SCIN: variants seen among roughly 807,000 people sequenced by gnomAD.
The protein encoded by SCIN is scinderin.
SCIN carries 91 observed loss-of-function variants against 91.8 expected under a neutral mutation model. That is an observed-to-expected ratio of 0.99 (90% CI 0.84 to 1.18). The LOEUF (loss-of-function observed/expected upper bound fraction) is 1.18, where lower values mean the gene tolerates loss of function less well. Among genes scored for constraint, SCIN ranks in the 50% most tolerant of loss-of-function variants. The pLI, the probability that SCIN is intolerant of heterozygous loss-of-function variation, is 0.00. For missense variants in SCIN, 1,087 were observed against 863.9 expected, an observed-to-expected ratio of 1.26 and a Z score of -3.24; for synonymous variants, 367 against 312.6, an observed-to-expected ratio of 1.17 and a Z score of -1.84.
At position 12,604,526 on chromosome 7, in the gene SCIN, T is replaced by C; in HGVS notation, c.529T>C (p.Trp177Arg). 3 of 1,551,666 alleles carry C rather than the reference T, an allele frequency of 1.9e-6. No individual in the cohort carries two copies. The highest frequency in any genetic ancestry group is 2.6e-6 in the Non-Finnish European group (3 of 1,146,970). The change falls in exon 4 of 16, where the codon TGG becomes CGG. Residue 177 changes from tryptophan (W) to arginine (R), a missense_variant. Trp to Arg is a moderately radical substitution (Grantham distance 101, BLOSUM62 -3). Coordinates refer to ENST00000297029, the MANE Select transcript of SCIN (RefSeq NM_001112706.3). The part of the protein sequence containing the change: ...IIDLGTEIYQ[W>R]CGSSCNKYER... ...CTCTTTCTTTTAGGAAATTTATCAG[T>C]GGTGTGGTTCCTCGTGCAACAAATA...
At chr7:12,629,296 T>C (rs1253521994) in intron 9 of SCIN, 74 bp downstream of exon 9, 13 of 1,384,060 alleles carry the variant, frequency 9.4e-6, no homozygotes, top group Non-Finnish European at 1.2e-5. Context: ...ATTCTATGCA[T>C]TATGGGGTAG....
At position 12,622,841 on chromosome 7, in the gene SCIN, A is replaced by T; in HGVS notation, c.707A>T (p.Asp236Val). The T allele has an allele frequency of 6.2e-7, 1 of 1,613,324 alleles. No homozygotes were observed. Among genetic ancestry groups the T allele is most frequent in the South Asian group, 1.1e-5 (1 of 91,054 alleles). Residue 236 changes from aspartate (D) to valine (V), a missense_variant, in exon 5 of 16, where the codon GAT becomes GTT. Physicochemically the swap from Asp to Val is radical, Grantham distance 152. Coordinates refer to ENST00000297029, the MANE Select transcript of SCIN (RefSeq NM_001112706.3). The part of the protein sequence containing the change: ...EKPELPDGGD[D>V]DDIIADISNR... ...CCAGAGCTTCCAGATGGAGGTGATG[A>T]TGATGACATTATAGCAGACATAAGT... is the stretch of plus-strand genomic sequence containing the variant.
chr7:12,644,125 C>A lies in SCIN; in HGVS notation c.1582-13C>A. 6.2e-7 allele frequency: 1 copy of A among 1,603,500 alleles called. No homozygotes were observed. The highest frequency in any genetic ancestry group is 8.5e-7 in the Non-Finnish European group (1 of 1,173,584). On this transcript the variant is annotated splice_polypyrimidine_tract_variant and intron_variant, in intron 11 of 15. Transcript: ENST00000297029. Reference sequence around the variant, plus strand: ...GAATTTGAATCATTGTTTTATTTTTCTTCATATTCCAGGTTGATGTTGATG... The same window carrying A: ...GAATTTGAATCATTGTTTTATTTTTATTCATATTCCAGGTTGATGTTGATG...
intron 5 of SCIN, 56 bp downstream of exon 5, chr7:12,622,949 G>A (rs1783440610): frequency 2.3e-6 from 3 of 1,289,230 alleles, no homozygotes; most frequent in South Asian, 2.6e-5. Context: ...TAGCTAGGGA[G>A]GCCTGTATTG....
chr7:12,587,901 C>G (rs767384480), intron 3 of SCIN, among the ~76,000 whole-genome samples: 7 of 152,162 alleles, frequency 4.6e-5, no homozygotes, highest in Non-Finnish European at 1.0e-4. Flanking sequence ...ACACTCCAGC[C>G]CCTAAGACCC....
chr7:12,581,535 G>C (rs1293323652), intron 3 of SCIN, among the ~76,000 whole-genome samples: 3 of 151,982 alleles, frequency 2.0e-5, no homozygotes, highest in Non-Finnish European at 4.4e-5. Flanking sequence ...ATTGTGCATG[G>C]GAAAACATAG....
chr7:12,655,126 C>G lies in SCIN; in HGVS notation c.*2411C>G, dbSNP rs1382865600. 1 of 152,186 alleles carries G rather than the reference C, an allele frequency of 6.6e-6. No individual in the cohort carries two copies. Among genetic ancestry groups the G allele is most frequent in the Non-Finnish European group, 1.5e-5 (1 of 68,022 alleles). The allele number at this position is 152,186 out of a possible 1,614,324, so 9.4% of individuals were successfully genotyped here. A position where few individuals can be genotyped will look rare whatever the true frequency, so the allele number is the denominator to read the frequency against. On this transcript the variant is annotated 3_prime_UTR_variant, in exon 16 of 16. Coordinates refer to ENST00000297029, the MANE Select transcript of SCIN (RefSeq NM_001112706.3). The stretch of plus-strand genomic sequence containing the variant: ...AACCTATACCATTCTCCTGTATACT[C>G]TAAGTCATCTCTGCGTTACTTATAA...
Position 12,598,300 on chromosome 7 carries a change from G to GT in SCIN, c.517-6207dup, listed in dbSNP as rs146474966. On this transcript the variant is annotated intron_variant, in intron 3 of 15. Transcript: ENST00000297029. ...CAGAGTAAGGTGAATTAAGAACAGAGTTTTTTTCAAGCATGGTGCCAAATG... is the reference window on the plus strand; with the variant it reads ...CAGAGTAAGGTGAATTAAGAACAGAGTTTTTTTTCAAGCATGGTGCCAAATG... Among the ~76,000 whole-genome samples the GT allele has an allele frequency of 3.7e-4, 57 of 152,148 alleles. No individual in the cohort carries two copies. In the East Asian group the frequency reaches 7.0e-3, roughly 19 times the overall value.
intron 4 of SCIN, among the ~76,000 whole-genome samples, chr7:12,617,412 T>G (rs189707186): frequency 6.4e-4 from 97 of 152,178 alleles, no homozygotes; most frequent in African/African-American, 2.3e-3. Flanking sequence ...AATGGAAGAA[T>G]GCACAGAAAT....
rs754519390 is a variant in SCIN, at chr7:12,644,576, T to G, written c.1760-8T>G. 1 of 1,612,522 alleles carries G rather than the reference T, an allele frequency of 6.2e-7. No homozygotes were observed. The highest frequency in any genetic ancestry group is 2.2e-5 in the East Asian group (1 of 44,826). ...AATGCACTGGATAACTGAGTGTGTT[T>G]TCCACAGAGGAGTTCTGGAATTCCC... is the stretch of plus-strand genomic sequence containing the variant. On this transcript the variant is annotated splice_polypyrimidine_tract_variant and splice_region_variant and intron_variant, in intron 12 of 15. Transcript: ENST00000297029.
chr7:12,575,420 C>T (rs748136954), intron 1 of SCIN, among the ~76,000 whole-genome samples: 3 of 151,808 alleles, frequency 2.0e-5, no homozygotes, highest in Admixed American at 6.6e-5. Flanking sequence ...AGTGCACACC[C>T]ATTTTCTGGA....
In SCIN at chr7:12,656,194, A is replaced by G. The variant is rs985634033; in HGVS notation, c.*3479A>G. On this transcript the variant is annotated 3_prime_UTR_variant, in exon 16 of 16. Transcript: ENST00000297029. ...CTCCAGTAATGATTAGGAACACACTATAAACATAAAACATCAGTCCACTTA... is the reference window on the plus strand; with the variant it reads ...CTCCAGTAATGATTAGGAACACACTGTAAACATAAAACATCAGTCCACTTA... 3.3e-5 allele frequency: 5 copies of G among 152,196 alleles called. No homozygotes were observed. Among genetic ancestry groups the G allele is most frequent in the African/African-American group, 9.7e-5 (4 of 41,450 alleles). 9.4% of individuals were successfully genotyped at this position (152,196 alleles called of 1,614,324 possible).
intron 10 of SCIN, among the ~76,000 whole-genome samples, chr7:12,639,374 A>G (rs1266139506): frequency 6.6e-6 from 1 of 152,234 alleles, no homozygotes; most frequent in African/African-American, 2.4e-5. Context: ...ATTATTTTCA[A>G]TGCCTTTCGG....
Position 12,629,163 on chromosome 7 carries a change from T to C in SCIN, c.1260T>C (p.Tyr420=). 1.2e-6 allele frequency: 2 copies of C among 1,613,356 alleles called. No homozygotes were observed. Among genetic ancestry groups the C allele is most frequent in the Non-Finnish European group, 8.5e-7 (1 of 1,179,422 alleles). The change falls in exon 9 of 16, where the codon TAT becomes TAC. Residue 420 remains tyrosine (Y), a synonymous_variant. Coordinates refer to ENST00000297029, the MANE Select transcript of SCIN (RefSeq NM_001112706.3). ...ACCAAAACTCATATGGTGAATTCTATGGTGGTGACTGCTACATCATACTCT... is the reference window on the plus strand; with the variant it reads ...ACCAAAACTCATATGGTGAATTCTACGGTGGTGACTGCTACATCATACTCT... ...QVDQNSYGEF[Y]GGDCYIILYT...
chr7:12,590,047 C>T (rs1025001872), intron 3 of SCIN, among the ~76,000 whole-genome samples: 13 of 152,028 alleles, frequency 8.6e-5, no homozygotes, highest in East Asian at 3.9e-4. Context: ...GATATGGAGA[C>T]GCCACTGGAT....
In SCIN at chr7:12,651,598, CAT is replaced by C. The variant is rs2115305483; in HGVS notation, c.1960-241_1960-240del. On this transcript the variant is annotated intron_variant, in intron 14 of 15. Transcript: ENST00000297029. This position sits in a 1 kb window ranked among gnomAD's most constrained non-coding sequence, Gnocchi z 5.9. The stretch of plus-strand genomic sequence containing the variant: ...TACAAACTAGAAAGTACCATGTAAA[CAT>C]AAAATATCCAAGTGTGAAATCTGAA... 6.6e-6 allele frequency among the ~76,000 whole-genome samples: 1 copy of C among 151,168 alleles called. No individual in the cohort carries two copies. Among genetic ancestry groups the C allele is most frequent in the East Asian group, 1.9e-4 (1 of 5,140 alleles).
intron 8 of SCIN, among the ~76,000 whole-genome samples, chr7:12,627,045 A>G (rs1377939429): frequency 1.3e-5 from 2 of 152,080 alleles, no homozygotes; most frequent in Admixed American, 1.3e-4. Flanking sequence ...AGCCAAGATC[A>G]TAACACTGCA....
intron 3 of SCIN, among the ~76,000 whole-genome samples, chr7:12,591,520 T>G (rs1054863689): frequency 3.3e-5 from 5 of 152,124 alleles, no homozygotes; most frequent in Non-Finnish European, 5.9e-5. Flanking sequence ...GGGCTATTCC[T>G]CAGCTTTCAG....
rs1334483333 is a variant in SCIN, at chr7:12,621,866, G to A, written c.667-935G>A. 3.3e-5 allele frequency among the ~76,000 whole-genome samples: 5 copies of A among 151,732 alleles called. No individual in the cohort carries two copies. The East Asian group carries it at 9.7e-4, about 29-fold the overall frequency. The stretch of plus-strand genomic sequence containing the variant: ...CATTTTTATTGTTTTCTGGTATTTT[G>A]CAGTACACATTTTTATGCAATATAT... On this transcript the variant is annotated intron_variant, in intron 4 of 15. Coordinates refer to ENST00000297029, the MANE Select transcript of SCIN (RefSeq NM_001112706.3).
Sources: allele counts gnomAD v4.1 joint callset (sites outside exome capture counted in the v4.1 genomes callset), GRCh38; gene constraint gnomAD v4.1.1; non-coding constraint Gnocchi (gnomAD v3.1); transcripts MANE v1.5; gene names NCBI Gene and HGNC (gene_info 2026-07-23, HGNC 2026-07-21).